Variants in MRPL46 observed in about 807,000 individuals in gnomAD.
MRPL46 encodes the protein large ribosomal subunit protein mL46.
In MRPL46, 26 loss-of-function variants were observed where a neutral mutation model predicts 31.0. That is an observed-to-expected ratio of 0.84 (90% CI 0.61 to 1.16). The LOEUF (loss-of-function observed/expected upper bound fraction) is 1.16, where lower values mean the gene tolerates loss of function less well. MRPL46 is among the 50% of genes most tolerant of loss of function. The pLI is 0.00. For synonymous variants in MRPL46, 159 were observed against 141.3 expected (o/e 1.13, Z -0.89); for missense variants, 395 against 340.0 (o/e 1.16, Z -1.27).
rs1280138448 is a variant in MRPL46 at position 88,464,766 on chromosome 15, C to T, written c.526G>A (p.Ala176Thr). 1 of 1,614,024 alleles carries T rather than the reference C, an allele frequency of 6.2e-7. No individual in the cohort carries two copies. Residue 176 changes from alanine to threonine, a missense_variant, in exon 3 of 4, where the codon GCA (alanine) becomes ACA (threonine). Physicochemically the swap from Ala to Thr is moderately conservative, Grantham distance 58. Transcript: ENST00000312475. The part of the protein sequence containing the change: ...GDQDVWILPQ[A>T]EWQPGETLRG... Reference sequence around the variant, plus strand: ...AGGGTCTCCCCAGGCTGCCACTCTGCCTGGGGCAGTATCCAAACATCCTGG... The same window carrying T: ...AGGGTCTCCCCAGGCTGCCACTCTGTCTGGGGCAGTATCCAAACATCCTGG...
At chr15:88,460,127 A>G (rs954584281) in intron 3 of MRPL46, 3 of 469,180 alleles carry the variant, frequency 6.4e-6, no homozygotes, top group Admixed American at 3.6e-5. Context: ...CAACACAGTT[A>G]CAATCACACC....
chr15:88,464,824 GTTCCTGTCTAGC>G lies in MRPL46; in HGVS notation c.456_467del (p.Lys152_Arg155del). The G allele has an allele frequency of 6.2e-7, 1 of 1,614,140 alleles. No homozygotes were observed. Among genetic ancestry groups the G allele is most frequent in the Non-Finnish European group, 8.5e-7 (1 of 1,180,014 alleles). On this transcript the variant is annotated inframe_deletion, in exon 3 of 4. Transcript: ENST00000312475. ...ACTTCTCTCTGACTAACAGGACAAG[GTTCCTGTCTAGC>G]TTCCTGTTCAGGGATGTTCGGTCAT...
At chr15:88,465,436 A>T in intron 2 of MRPL46, 151 bp downstream of exon 2, 1 of 777,964 alleles carries the variant, frequency 1.3e-6, no homozygotes, top group Non-Finnish European at 1.9e-6. Flanking sequence ...AGACTTTTTA[A>T]GTCGTATTAT....
At chr15:88,464,155 G>A (rs1012653813) in intron 3 of MRPL46, 11 of 153,160 alleles carry the variant, frequency 7.2e-5, no homozygotes, top group African/African-American at 2.7e-4. Context: ...CAGAGATACT[G>A]CTAAACATCC....
Position 88,464,787 on chromosome 15 carries a change from C to T in MRPL46, c.505G>A (p.Asp169Asn). 1 of 1,614,162 alleles carries T rather than the reference C, an allele frequency of 6.2e-7. No homozygotes were observed. Among genetic ancestry groups the T allele is most frequent in the South Asian group, 1.1e-5 (1 of 91,082 alleles). ...LLVREKFGDQ[D>N]VWILPQAEWQ... Reference sequence around the variant, plus strand: ...TCTGCCTGGGGCAGTATCCAAACATCCTGGTCTCCAAACTTCTCTCTGACT... The same window carrying T: ...TCTGCCTGGGGCAGTATCCAAACATTCTGGTCTCCAAACTTCTCTCTGACT... The change falls in exon 3 of 4, where the codon GAT (aspartate) becomes AAT (asparagine). Residue 169 changes from aspartate to asparagine, a missense_variant. Transcript: ENST00000312475.
Position 88,466,752 on chromosome 15 carries a change from C to T in MRPL46, c.228+398G>A, listed in dbSNP as rs536898175. Among the ~76,000 whole-genome samples, 158 of 152,314 alleles carry T rather than the reference C, an allele frequency of 1.0e-3. 1 individual carries two copies. The South Asian group carries it at 0.028, about 27-fold the overall frequency. ...CCTCACTTGCCCCTCACACAGATAG[C>T]CCCATGAGATAAAACAGAGTAGGCT... On this transcript the variant is annotated intron_variant, in intron 1 of 3. Coordinates refer to ENST00000312475, the MANE Select transcript of MRPL46 (RefSeq NM_022163.4).
chr15:88,460,714 A>G (rs989757158), intron 3 of MRPL46: 3 of 152,172 alleles, frequency 2.0e-5, no homozygotes, highest in Non-Finnish European at 2.9e-5. Context: ...TTTCATGGAC[A>G]TTTAATATTT....
In MRPL46 at chr15:88,465,616, A is replaced by G; in HGVS notation, c.386T>C (p.Leu129Pro). The change falls in exon 2 of 4, where the codon CTA (leucine) becomes CCA (proline). Residue 129 changes from leucine to proline, a missense_variant. By Grantham distance (98) the Leu-to-Pro change is moderately conservative. Transcript: ENST00000312475. ...TATGCGAGCTCCAAGTTTGAACTGT[A>G]GAAATTTCTGCTCCCACATATCTTC... ...DLEDMWEQKF[L>P]QFKLGARITE... 1 of 1,612,038 alleles carries G rather than the reference A, an allele frequency of 6.2e-7. No homozygotes were observed. The highest frequency in any genetic ancestry group is 8.5e-7 in the Non-Finnish European group (1 of 1,179,426).
rs1567040427 is a variant in MRPL46 at position 88,465,455 on chromosome 15, T to G, written c.415+132A>C. The G allele has an allele frequency of 2.3e-5, 23 of 1,001,724 alleles. 1 individual carries two copies. In the South Asian group the frequency reaches 4.4e-4, roughly 19 times the overall value. The allele number at this position is 1,001,724 out of a possible 1,614,324, so 62.1% of individuals were successfully genotyped here. A position where few individuals can be genotyped will look rare whatever the true frequency, so the allele number is the denominator to read the frequency against. On this transcript the variant is annotated intron_variant, in intron 2 of 3. Transcript: ENST00000312475. ...TTTTTAAGTCGTATTATGGTAGATG[T>G]GAGCAACAAAGAAAAGAATATGAAA...
In MRPL46 at chr15:88,459,492, T is replaced by C; in HGVS notation, c.*121A>G. On this transcript the variant is annotated 3_prime_UTR_variant, in exon 4 of 4. Transcript: ENST00000312475. ...TGAGACCAACACAGTAATAGACTCG[T>C]TTATTTCTCAGAATTTAGTTTGCTG... 6.8e-7 allele frequency: 1 copy of C among 1,461,788 alleles called. No homozygotes were observed. Among genetic ancestry groups the C allele is most frequent in the Non-Finnish European group, 9.3e-7 (1 of 1,075,262 alleles). The allele number at this position is 1,461,788 out of a possible 1,614,324, so 90.6% of individuals were successfully genotyped here.
chr15:88,464,924 A>C (rs1291820197), intron 2 of MRPL46, 48 bp from the exon 3 acceptor site: 1 of 1,563,544 alleles, frequency 6.4e-7, no homozygotes. Context: ...GATCTGCCAG[A>C]ACCAAGAAAC....
intron 1 of MRPL46, 40 bp from the exon 2 acceptor site, chr15:88,465,813 C>T: frequency 6.8e-7 from 1 of 1,462,614 alleles, no homozygotes; most frequent in South Asian, 1.4e-5. Context: ...CTTAATCTGG[C>T]AAAATTAAAA....
chr15:88,464,310 G>A (rs370192701), intron 3 of MRPL46: 213 of 225,376 alleles, frequency 9.5e-4, no homozygotes, highest in African/African-American at 4.5e-3. Context: ...AACAGATCAC[G>A]AGGGACTCAA....
chr15:88,465,974 T>G (rs1032178542), intron 1 of MRPL46, among the ~76,000 whole-genome samples: 14 of 152,214 alleles, frequency 9.2e-5, no homozygotes, highest in Admixed American at 5.9e-4. Context: ...GGGCTTGAGT[T>G]ACATTTGCCA....
Position 88,465,604 on chromosome 15 carries a change from A to G in MRPL46, c.398T>C (p.Leu133Pro), listed in dbSNP as rs527672096. 41 of 1,609,882 alleles carry G rather than the reference A, an allele frequency of 2.5e-5. No homozygotes were observed. The highest frequency in any genetic ancestry group is 3.4e-5 in the Admixed American group (2 of 58,860). Reference sequence around the variant, plus strand: ...ATCACAACCTGTTATGCGAGCTCCAAGTTTGAACTGTAGAAATTTCTGCTC... The same window carrying G: ...ATCACAACCTGTTATGCGAGCTCCAGGTTTGAACTGTAGAAATTTCTGCTC... Reference protein sequence around the residue: ...MWEQKFLQFKLGARITEADEK... With the variant: ...MWEQKFLQFKPGARITEADEK... Residue 133 changes from leucine to proline, a missense_variant, in exon 2 of 4, where the codon CTT (leucine) becomes CCT (proline). Transcript: ENST00000312475.
chr15:88,464,888 G>T lies in MRPL46; in HGVS notation c.416-12C>A, dbSNP rs373337282. On this transcript the variant is annotated splice_polypyrimidine_tract_variant and intron_variant, in intron 2 of 3. Coordinates refer to ENST00000312475, the MANE Select transcript of MRPL46 (RefSeq NM_022163.4). ...CTTTTCATCAGCTTCTACAGCAAAG[G>T]GGGTCAGAGGAGGTAAGAAGACTGT... 6.2e-7 allele frequency: 1 copy of T among 1,610,730 alleles called. No individual in the cohort carries two copies.
rs1314672053 is a variant in MRPL46, at chr15:88,459,813, T to G, written c.640A>C (p.Thr214Pro). The change falls in exon 4 of 4, where the codon ACA becomes CCA. Residue 214 changes from threonine to proline, a missense_variant. Transcript: ENST00000312475. ...CGCATTGCCTGGGGGAACTTGAATG[T>G]GTAGTGCCCACAGGGTGCATTTCCT... ...FLGNAPCGHY[T>P]FKFPQAMRTE... The G allele has an allele frequency of 6.2e-7, 1 of 1,614,222 alleles. No individual in the cohort carries two copies. Among genetic ancestry groups the G allele is most frequent in the Non-Finnish European group, 8.5e-7 (1 of 1,180,036 alleles).
chr15:88,459,964 C>G, intron 3 of MRPL46, 101 bp from the exon 4 acceptor site: 1 of 1,449,726 alleles, frequency 6.9e-7, no homozygotes, highest in South Asian at 1.3e-5. Flanking sequence ...AAGATCTGGC[C>G]CTGAGGTAAA....
Position 88,459,694 on chromosome 15 carries a change from C to T in MRPL46, c.759G>A (p.Val253=). The change falls in exon 4 of 4, where the codon GTG becomes GTA. Residue 253 remains valine, a synonymous_variant. Coordinates refer to ENST00000312475, the MANE Select transcript of MRPL46 (RefSeq NM_022163.4). The part of the protein sequence containing the change: ...FSQAGNKGHH[V]WVTKDELGDY... Reference sequence around the variant, plus strand: ...CACCCAGCTCATCCTTAGTGACCCACACATGATGGCCCTTATTCCCAGCCT... The same window carrying T: ...CACCCAGCTCATCCTTAGTGACCCATACATGATGGCCCTTATTCCCAGCCT... 1 of 1,614,198 alleles carries T rather than the reference C, an allele frequency of 6.2e-7. No homozygotes were observed. Among genetic ancestry groups the T allele is most frequent in the Non-Finnish European group, 8.5e-7 (1 of 1,180,036 alleles).
Sources: allele counts gnomAD v4.1 joint callset (sites outside exome capture counted in the v4.1 genomes callset), GRCh38; gene constraint gnomAD v4.1.1; transcripts MANE v1.5; gene names NCBI Gene and HGNC (gene_info 2026-07-23, HGNC 2026-07-21).